RHBDD1: variants seen among roughly 807,000 people sequenced by gnomAD.
The protein encoded by RHBDD1 is rhomboid domain containing 1, also known as rhomboid-related protein 4.
A neutral mutation model predicts 36.3 loss-of-function variants in RHBDD1; 38 were observed. The observed-to-expected ratio is 1.05, with a 90% CI of 0.81 to 1.37. The LOEUF is 1.37. Among genes scored for constraint, RHBDD1 ranks in the 40% most tolerant of loss-of-function variants. RHBDD1 has a pLI of 0.00. For missense variants in RHBDD1, 393 were observed against 377.6 expected (o/e 1.04, Z -0.34); for synonymous variants, 151 against 136.5 (o/e 1.11, Z -0.74).
At chr2:226,826,965 T>A in the RHBDD1 span, among the ~76,000 whole-genome samples, 24 of 152,240 alleles carry the variant, frequency 1.6e-4, no homozygotes, top group African/African-American at 5.1e-4. Flanking sequence ...TAAAAAATTT[T>A]TTATTATTAT....
At chr2:226,927,488 G>A (rs182851077) in intron 8 of RHBDD1, among the ~76,000 whole-genome samples, 158 of 152,146 alleles carry the variant, frequency 1.0e-3, no homozygotes, top group African/African-American at 3.7e-3. Context: ...ACCTAGGTAA[G>A]CACATAGGAG....
intron 8 of RHBDD1, among the ~76,000 whole-genome samples, chr2:226,959,550 A>G (rs1365995294): frequency 6.6e-6 from 1 of 152,170 alleles, no homozygotes; most frequent in African/African-American, 2.4e-5. Context: ...CAGCATAGCT[A>G]CTTTGGAGTT....
intron 8 of RHBDD1, among the ~76,000 whole-genome samples, chr2:226,929,181 C>T (rs1949855477): frequency 6.6e-6 from 1 of 151,838 alleles, no homozygotes; most frequent in African/African-American, 2.4e-5. Context: ...ACCAAAGCCA[C>T]AAAAGGACAT....
At chr2:226,894,578 CATA>C (rs1276744123) in intron 5 of RHBDD1, among the ~76,000 whole-genome samples, 2 of 152,130 alleles carry the variant, frequency 1.3e-5, no homozygotes, top group Non-Finnish European at 2.9e-5. Flanking sequence ...GCCTATAATT[CATA>C]ATATTTTATT....
At position 226,969,394 on chromosome 2, in the gene RHBDD1, C is replaced by CTTTTTT. The variant is rs77924848; in HGVS notation, c.857-26022_857-26017dup. 2.7e-4 allele frequency among the ~76,000 whole-genome samples: 31 copies of CTTTTTT among 115,538 alleles called. 1 individual carries two copies. Among genetic ancestry groups the CTTTTTT allele is most frequent in the African/African-American group, 7.2e-4 (22 of 30,758 alleles). The allele number at this position is 115,538 out of a possible 152,430, so 75.8% of individuals were successfully genotyped here. On this transcript the variant is annotated intron_variant, in intron 8 of 8. Transcript: ENST00000392062. ...TTGCTCTGGGCTAAGACAGCTCAGC[C>CTTTTTT]TTTTTTTTTTTTTTTTTTTTAAGGA...
At chr2:226,813,219 A>G in the RHBDD1 span, among the ~76,000 whole-genome samples, 1 of 152,238 alleles carries the variant, frequency 6.6e-6, no homozygotes, top group Non-Finnish European at 1.5e-5. Flanking sequence ...CCACACACAC[A>G]AGAAAAACTT....
chr2:226,956,354 C>T (rs760087629), intron 8 of RHBDD1, among the ~76,000 whole-genome samples: 12 of 152,154 alleles, frequency 7.9e-5, no homozygotes, highest in East Asian at 1.9e-4. Flanking sequence ...TCTCCAGACA[C>T]GTCCCCCCGG....
chr2:226,929,763 A>G (rs1431697477), intron 8 of RHBDD1, among the ~76,000 whole-genome samples: 1 of 151,964 alleles, frequency 6.6e-6, no homozygotes. Flanking sequence ...ACTCCAAAAG[A>G]CTTCCTAGAT....
chr2:226,851,746 T>G (rs559518468), intron 3 of RHBDD1, among the ~76,000 whole-genome samples: 48 of 152,228 alleles, frequency 3.2e-4, no homozygotes, highest in Admixed American at 3.3e-4. Flanking sequence ...CATGAGCCTT[T>G]TTGTTGTTGT....
chr2:226,869,945 T>A (rs1052209055), intron 5 of RHBDD1, among the ~76,000 whole-genome samples: 3 of 152,176 alleles, frequency 2.0e-5, no homozygotes, highest in Admixed American at 6.5e-5. Flanking sequence ...CCCACCAAGA[T>A]TCTGTTGATG....
chr2:226,983,768 G>T (rs1228981875), intron 8 of RHBDD1, among the ~76,000 whole-genome samples: 1 of 152,172 alleles, frequency 6.6e-6, no homozygotes, highest in Non-Finnish European at 1.5e-5. Flanking sequence ...AAAAGTCAAT[G>T]AAAACATTCC....
intron 3 of RHBDD1, among the ~76,000 whole-genome samples, chr2:226,862,763 T>G (rs1400510561): frequency 6.6e-6 from 1 of 152,196 alleles, no homozygotes; most frequent in East Asian, 1.9e-4. Context: ...AGCTCACAGT[T>G]CTACTGGCTG....
intron 5 of RHBDD1, among the ~76,000 whole-genome samples, chr2:226,897,753 C>T (rs2125559479): frequency 6.6e-6 from 1 of 152,192 alleles, no homozygotes; most frequent in South Asian, 2.1e-4. Flanking sequence ...GGGTGGATCA[C>T]TGAGGTCAGG....
At chr2:226,976,417 A>G (rs1441885358) in intron 8 of RHBDD1, among the ~76,000 whole-genome samples, 3 of 151,670 alleles carry the variant, frequency 2.0e-5, no homozygotes, top group African/African-American at 7.3e-5. Flanking sequence ...CAGTACCCCA[A>G]TATAGTAACA....
At chr2:226,894,177 A>G (rs1343487714) in intron 5 of RHBDD1, among the ~76,000 whole-genome samples, 1 of 152,228 alleles carries the variant, frequency 6.6e-6, no homozygotes, top group Non-Finnish European at 1.5e-5. Context: ...CGTTATTCCC[A>G]TATTTATGAG....
intron 7 of RHBDD1, among the ~76,000 whole-genome samples, chr2:226,913,008 T>G (rs1026798552): frequency 1.3e-5 from 2 of 152,222 alleles, no homozygotes; most frequent in Non-Finnish European, 2.9e-5. Flanking sequence ...AGTTTCCCTT[T>G]TAATCCTGCA....
At chr2:226,819,262 A>G in the RHBDD1 span, among the ~76,000 whole-genome samples, 1 of 152,238 alleles carries the variant, frequency 6.6e-6, no homozygotes. Flanking sequence ...GGGCTAATTC[A>G]TTTAAAGAAT....
intron 8 of RHBDD1, among the ~76,000 whole-genome samples, chr2:226,936,425 A>G (rs1950333467): frequency 6.6e-6 from 1 of 152,134 alleles, no homozygotes; most frequent in Non-Finnish European, 1.5e-5. Context: ...AAAAAGAGAG[A>G]GAGAGATACA....
intron 8 of RHBDD1, 74 bp downstream of exon 8, chr2:226,914,425 G>C: frequency 6.7e-7 from 1 of 1,493,564 alleles, no homozygotes; most frequent in Non-Finnish European, 9.0e-7. Context: ...AGAGCTATTT[G>C]TAGCAAATTA....
Sources: allele counts gnomAD v4.1 joint callset (sites outside exome capture counted in the v4.1 genomes callset), GRCh38; gene constraint gnomAD v4.1.1; transcripts MANE v1.5; gene names NCBI Gene and HGNC (gene_info 2026-07-23, HGNC 2026-07-21).